NRG1: variants seen among roughly 807,000 people sequenced by gnomAD.
NRG1 encodes the protein neuregulin 1.
NRG1 carries 18 observed loss-of-function variants against 63.8 expected under a neutral mutation model. That is an observed-to-expected ratio of 0.28 (90% CI 0.19 to 0.42). The LOEUF (loss-of-function observed/expected upper bound fraction) is 0.42, where lower values mean the gene tolerates loss of function less well. Ranked by LOEUF, NRG1 falls within the 10% of genes least tolerant of loss-of-function variation. The pLI is 1.00. For missense variants in NRG1, 762 were observed against 814.7 expected (o/e 0.94, Z 0.79); for synonymous variants, 302 against 301.3 (o/e 1.00, Z -0.02).
chr8:32,187,029 T>A (rs1052255901), intron 1 of NRG1, among the ~76,000 whole-genome samples: 2 of 152,194 alleles, frequency 1.3e-5, no homozygotes, highest in Non-Finnish European at 2.9e-5. Flanking sequence ...CACATTGCCA[T>A]GCAGCTTTGA....
chr8:32,027,901 A>G (rs1586584851), intron 1 of NRG1, among the ~76,000 whole-genome samples: 1 of 152,326 alleles, frequency 6.6e-6, no homozygotes, highest in East Asian at 1.9e-4. Context: ...CATTCCGGGT[A>G]GGAGCAGCTA....
intron 1 of NRG1, among the ~76,000 whole-genome samples, chr8:32,179,401 T>A (rs974374604): frequency 5.3e-5 from 8 of 152,080 alleles, no homozygotes; most frequent in African/African-American, 1.9e-4. Flanking sequence ...AAGGGAGACA[T>A]CTCCCAGGAA....
chr8:32,573,554 C>T (rs1265221220), intron 1 of NRG1, among the ~76,000 whole-genome samples: 1 of 152,084 alleles, frequency 6.6e-6, no homozygotes, highest in Admixed American at 6.6e-5. Flanking sequence ...TGCTTATGTT[C>T]TCCAGCCAGT....
intron 1 of NRG1, among the ~76,000 whole-genome samples, chr8:31,983,533 C>T (rs1248165006): frequency 2.0e-5 from 3 of 151,988 alleles, no homozygotes; most frequent in Admixed American, 1.3e-4. Context: ...GAGTATGCCA[C>T]CAAACCTGTC....
chr8:31,906,327 C>T (rs981887785), intron 1 of NRG1, among the ~76,000 whole-genome samples: 4 of 152,160 alleles, frequency 2.6e-5, no homozygotes, highest in Non-Finnish European at 5.9e-5. Flanking sequence ...GATCTAGGTG[C>T]ATGGCCTCAT....
rs1044265913 is a variant in NRG1 at position 31,807,887 on chromosome 8, G to T, written c.37+168456G>T. On this transcript the variant is annotated intron_variant, in intron 1 of 10. Transcript: ENST00000519301. ...TTTCACTTAGCACAATGACCTCCAG[G>T]TTCATCCATGTTGTTGTATATTTCA... 3.3e-5 allele frequency among the ~76,000 whole-genome samples: 5 copies of T among 151,876 alleles called. No individual in the cohort carries two copies. In the South Asian group the frequency reaches 1.0e-3, roughly 32 times the overall value.
At chr8:32,126,964 T>G (rs537247381) in intron 1 of NRG1, among the ~76,000 whole-genome samples, 1 of 151,952 alleles carries the variant, frequency 6.6e-6, no homozygotes, top group Non-Finnish European at 1.5e-5. Flanking sequence ...AGTCATCTCC[T>G]GTTAGATCAC....
chr8:32,314,344 A>C (rs1857139061), intron 1 of NRG1, among the ~76,000 whole-genome samples: 1 of 152,228 alleles, frequency 6.6e-6, no homozygotes, highest in Non-Finnish European at 1.5e-5. Flanking sequence ...GGAAACATGG[A>C]TGTCTAAAGC....
At chr8:31,922,835 A>T (rs1834024864) in intron 1 of NRG1, among the ~76,000 whole-genome samples, 1 of 152,210 alleles carries the variant, frequency 6.6e-6, no homozygotes, top group African/African-American at 2.4e-5. Context: ...GAACAAGCAG[A>T]TGATTTCACC....
chr8:32,248,022 A>G lies in NRG1; in HGVS notation c.38-347806A>G, dbSNP rs1285861831. On this transcript the variant is annotated intron_variant, in intron 1 of 10. Coordinates refer to the NRG1 transcript ENST00000519301. ...CCTTAGCTAGCACTGACCACAGCAA[A>G]GTTTGTTTCCCACAAGCGTTTTACA... is the stretch of plus-strand genomic sequence containing the variant. 2.0e-5 allele frequency among the ~76,000 whole-genome samples: 3 copies of G among 152,092 alleles called. No homozygotes were observed. In the South Asian group the frequency reaches 6.2e-4, roughly 32 times the overall value.
intron 1 of NRG1, among the ~76,000 whole-genome samples, chr8:32,437,973 A>G (rs1191198561): frequency 1.3e-5 from 2 of 152,178 alleles, no homozygotes; most frequent in Admixed American, 1.3e-4. Context: ...ATTTTTTATT[A>G]AACTTTGTAT....
At chr8:31,994,321 T>G (rs1161603298) in intron 1 of NRG1, among the ~76,000 whole-genome samples, 16 of 151,844 alleles carry the variant, frequency 1.1e-4, no homozygotes, top group Non-Finnish European at 1.5e-5. Flanking sequence ...AGATGTTCAC[T>G]TAGGTAACTG....
At chr8:32,548,162 C>T, upstream of NRG1, 1 of 937,458 alleles carries the variant, frequency 1.1e-6, no homozygotes, top group Non-Finnish European at 1.3e-6. Flanking sequence ...CTCCCGGTGG[C>T]GTGTCCGCGC....
chr8:31,781,092 G>T (rs1467813997), intron 1 of NRG1, among the ~76,000 whole-genome samples: 1 of 151,466 alleles, frequency 6.6e-6, no homozygotes, highest in Non-Finnish European at 1.5e-5. Context: ...TTTTTGACTT[G>T]CAAATTCCTT....
chr8:32,163,475 A>G (rs1239141957), intron 1 of NRG1, among the ~76,000 whole-genome samples: 1 of 152,184 alleles, frequency 6.6e-6, no homozygotes, highest in South Asian at 2.1e-4. Flanking sequence ...CAATGTTGCC[A>G]TATTAATAAC....
chr8:32,188,849 T>C (rs1170055033), intron 1 of NRG1, among the ~76,000 whole-genome samples: 1 of 151,860 alleles, frequency 6.6e-6, no homozygotes, highest in African/African-American at 2.4e-5. Flanking sequence ...TTAGGAGATA[T>C]ACCTAATGCT....
chr8:31,850,796 C>T (rs1405848868), intron 1 of NRG1, among the ~76,000 whole-genome samples: 1 of 152,196 alleles, frequency 6.6e-6, no homozygotes, highest in Non-Finnish European at 1.5e-5. Context: ...TCTCTCACCA[C>T]CCGTTTGCTT....
intron 1 of NRG1, among the ~76,000 whole-genome samples, chr8:31,782,344 G>A (rs989928776): frequency 1.3e-5 from 2 of 151,902 alleles, no homozygotes; most frequent in African/African-American, 4.8e-5. Flanking sequence ...GGCTTCCCTG[G>A]CCACCCCATT....
At chr8:32,062,074 G>A (rs747669947) in intron 1 of NRG1, among the ~76,000 whole-genome samples, 3 of 152,020 alleles carry the variant, frequency 2.0e-5, no homozygotes, top group Non-Finnish European at 4.4e-5. Flanking sequence ...CACTTTCGAG[G>A]CATGTCAGTT....
Sources: allele counts gnomAD v4.1 joint callset (sites outside exome capture counted in the v4.1 genomes callset), GRCh38; gene constraint gnomAD v4.1.1; transcripts MANE v1.5; gene names NCBI Gene and HGNC (gene_info 2026-07-23, HGNC 2026-07-21).